Variants in BBOF1 observed in about 807,000 individuals in gnomAD.
The protein encoded by BBOF1 is basal body-orientation factor 1.
Under a neutral mutation model 68.0 loss-of-function variants are expected in BBOF1, and 62 were observed. The ratio of observed to expected loss-of-function variants is 0.91; its 90% CI spans 0.74 to 1.13. The LOEUF (loss-of-function observed/expected upper bound fraction) is 1.13, where lower values mean the gene tolerates loss of function less well. BBOF1 is among the 50% of genes most tolerant of loss of function. The probability of loss-of-function intolerance (pLI) is 0.00; values close to 1 mark genes in which losing one functional copy is unlikely to be tolerated. For missense variants in BBOF1, 534 were observed against 600.1 expected, an observed-to-expected ratio of 0.89 and a Z score of 1.15; for synonymous variants, 208 against 198.8, an observed-to-expected ratio of 1.05 and a Z score of -0.39.
Position 74,065,040 on chromosome 14 carries a change from A to C in BBOF1, c.*341A>C. ...TTCTACCCTATCCTCTACCCCATGA[A>C]CTTTCATTCCTGAGGAAGAAATGGG... On this transcript the variant is annotated 3_prime_UTR_variant, in exon 12 of 12. Coordinates refer to ENST00000394009, the MANE Select transcript of BBOF1 (RefSeq NM_025057.3). 2.2e-6 allele frequency: 3 copies of C among 1,380,292 alleles called. No individual in the cohort carries two copies. Among genetic ancestry groups the C allele is most frequent in the Non-Finnish European group, 2.0e-6 (2 of 984,794 alleles). The allele number at this position is 1,380,292 out of a possible 1,614,324, so 85.5% of individuals were successfully genotyped here.
At position 74,043,964 on chromosome 14, in the gene BBOF1, G is replaced by A. The variant is rs1292581500; in HGVS notation, c.577-2096G>A. ...TTTCCTAAACTCCAATCTAAAATGA[G>A]GCTGGGCACGGTGGCTCACGCCTAT... On this transcript the variant is annotated intron_variant, in intron 5 of 11. Transcript: ENST00000394009. 3.3e-5 allele frequency among the ~76,000 whole-genome samples: 5 copies of A among 152,112 alleles called. No homozygotes were observed. In the South Asian group the frequency reaches 6.2e-4, roughly 19 times the overall value.
At chr14:74,079,229 C>G (rs1325941760) in intron 10 of BBOF1, among the ~76,000 whole-genome samples, 1 of 151,516 alleles carries the variant, frequency 6.6e-6, no homozygotes, top group East Asian at 1.9e-4. Context: ...GTAATCCCAG[C>G]ACTTTGGGAG....
At chr14:74,066,617 G>T, downstream of BBOF1, 2 of 1,289,782 alleles carry the variant, frequency 1.6e-6, no homozygotes, top group Non-Finnish European at 1.1e-6. Flanking sequence ...TAGTCATTAA[G>T]TATTTTCATT....
In BBOF1 at chr14:74,040,629, G is replaced by T. The variant is rs143341091; in HGVS notation, c.560G>T (p.Arg187Ile). The T allele has an allele frequency of 1.4e-4, 219 of 1,588,212 alleles. 4 individuals are homozygous for T. The East Asian group carries it at 4.8e-3, about 35-fold the overall frequency. ...HQETLRRLES[R>I]FFEEKHRLEQ... ...GAGACTCTTAGAAGACTGGAAAGCAGATTTTTTGAAGAAAAGGTACAGATT... is the reference window on the plus strand; with the variant it reads ...GAGACTCTTAGAAGACTGGAAAGCATATTTTTTGAAGAAAAGGTACAGATT... The change falls in exon 5 of 12, where the codon AGA becomes ATA. Residue 187 changes from arginine to isoleucine, a missense_variant. Coordinates refer to ENST00000394009, the MANE Select transcript of BBOF1 (RefSeq NM_025057.3).
At chr14:74,057,050 G>A in intron 10 of BBOF1, 70 bp downstream of exon 10, 1 of 1,589,158 alleles carries the variant, frequency 6.3e-7, no homozygotes, top group South Asian at 1.1e-5. Context: ...TCTTGAATGT[G>A]CTAATTGAAA....
intron 2 of BBOF1, among the ~76,000 whole-genome samples, chr14:74,026,960 G>A (rs1393286705): frequency 4.6e-5 from 7 of 151,462 alleles, no homozygotes; most frequent in Non-Finnish European, 8.8e-5. Context: ...AACTGCAGTT[G>A]CTTTTGCACT....
intron 8 of BBOF1, among the ~76,000 whole-genome samples, chr14:74,053,873 G>A (rs1387002153): frequency 2.0e-5 from 3 of 151,242 alleles, no homozygotes; most frequent in African/African-American, 4.9e-5. Flanking sequence ...CACCACGTCT[G>A]GCTGATTTTC....
chr14:74,041,622 T>A (rs1330015787), intron 5 of BBOF1, among the ~76,000 whole-genome samples: 4 of 152,094 alleles, frequency 2.6e-5, no homozygotes, highest in African/African-American at 9.7e-5. Flanking sequence ...CAGTCACAGC[T>A]CACTGCAGCC....
At chr14:74,057,542 A>T in intron 11 of BBOF1, 1 of 1,338,676 alleles carries the variant, frequency 7.5e-7, no homozygotes, top group Non-Finnish European at 9.7e-7. Flanking sequence ...TCTTTTACGT[A>T]AGAGTAAACA....
chr14:74,034,567 G>C (rs914293493), intron 4 of BBOF1, among the ~76,000 whole-genome samples: 1 of 152,206 alleles, frequency 6.6e-6, no homozygotes, highest in African/African-American at 2.4e-5. Context: ...TATGGTAGGG[G>C]TCAGTAGGGT....
intron 9 of BBOF1, chr14:74,075,096 T>A: frequency 7.7e-7 from 1 of 1,302,716 alleles, no homozygotes; most frequent in Non-Finnish European, 1.1e-6. Flanking sequence ...TACTATATGC[T>A]ATTTGCTATA....
At chr14:74,076,031 G>A (rs2060609346) in intron 9 of BBOF1, among the ~76,000 whole-genome samples, 1 of 152,180 alleles carries the variant, frequency 6.6e-6, no homozygotes, top group Non-Finnish European at 1.5e-5. Flanking sequence ...AAACAAATCT[G>A]TAATATCAGA....
intron 5 of BBOF1, among the ~76,000 whole-genome samples, chr14:74,043,520 G>A (rs941038835): frequency 4.8e-5 from 6 of 124,204 alleles, no homozygotes; most frequent in Non-Finnish European, 9.5e-5. Context: ...ACTGCAGTCC[G>A]CAGTCCGGCC....
At chr14:74,029,279 C>T in intron 3 of BBOF1, 30 bp downstream of exon 3, 2 of 1,395,810 alleles carry the variant, frequency 1.4e-6, no homozygotes, top group Non-Finnish European at 2.0e-6. Flanking sequence ...TAATACTCCA[C>T]TTACTGGATG....
In BBOF1 at chr14:74,065,994, G is replaced by T; in HGVS notation, c.*1295G>T. ...ACTTGATGATTCACTATTATAGTAA[G>T]GATATATGAATTTCAAAAAATGCCT... On this transcript the variant is annotated 3_prime_UTR_variant, in exon 12 of 12. Coordinates refer to ENST00000394009, the MANE Select transcript of BBOF1 (RefSeq NM_025057.3). 1 of 155,266 alleles carries T rather than the reference G, an allele frequency of 6.4e-6. No individual in the cohort carries two copies. The highest frequency in any genetic ancestry group is 1.4e-5 in the Non-Finnish European group (1 of 69,658). 9.6% of individuals were successfully genotyped at this position (155,266 alleles called of 1,614,324 possible).
Position 74,064,936 on chromosome 14 carries a change from T to TC in BBOF1, c.*239dup, listed in dbSNP as rs762264950. ...TCACTCCCACCTAAAACAGAACAAA[T>TC]CCGTGTCATATCCTAAGGACAAAGG... On this transcript the variant is annotated 3_prime_UTR_variant, in exon 12 of 12. Coordinates refer to ENST00000394009, the MANE Select transcript of BBOF1 (RefSeq NM_025057.3). The TC allele has an allele frequency of 3.7e-6, 6 of 1,606,874 alleles. No homozygotes were observed. The highest frequency in any genetic ancestry group is 4.3e-6 in the Non-Finnish European group (5 of 1,174,118).
chr14:74,075,049 A>C (rs1462560858), intron 9 of BBOF1: 1 of 1,604,418 alleles, frequency 6.2e-7, no homozygotes, highest in East Asian at 2.2e-5. Flanking sequence ...ATTTTGATAA[A>C]TGAGAGCAGA....
intron 2 of BBOF1, 21 bp downstream of exon 2, chr14:74,023,165 C>T: frequency 6.9e-7 from 1 of 1,445,760 alleles, no homozygotes; most frequent in Non-Finnish European, 9.5e-7. Flanking sequence ...AGAAAGCCTC[C>T]TTGGCCTCAT....
chr14:74,065,735 C>T lies in BBOF1; in HGVS notation c.*1036C>T, dbSNP rs1463203529. The T allele has an allele frequency of 1.3e-5, 3 of 228,684 alleles. No individual in the cohort carries two copies. The highest frequency in any genetic ancestry group is 2.6e-5 in the Non-Finnish European group (3 of 114,100). 14.2% of individuals were successfully genotyped at this position (228,684 alleles called of 1,614,324 possible). A position where few individuals can be genotyped will look rare whatever the true frequency, so the allele number is the denominator to read the frequency against. On this transcript the variant is annotated 3_prime_UTR_variant, in exon 12 of 12. Transcript: ENST00000394009. The stretch of plus-strand genomic sequence containing the variant: ...TAAATCCAATCTATAGTAAATATAC[C>T]AGGATAATTTTTCTCTTTACAGAAA...
Sources: gnomAD v4.1 joint callset for allele counts (sites outside exome capture counted in the v4.1 genomes callset) on GRCh38, gnomAD v4.1.1 for gene constraint, MANE v1.5 for transcripts, NCBI Gene and HGNC (gene_info 2026-07-23, HGNC 2026-07-21) for gene names.